The following ATP8B1 variants were observed in gnomAD, a reference collection of about 807,000 sequenced individuals.
ATP8B1 encodes the protein ATPase phospholipid transporting 8B1, also known as phospholipid-transporting ATPase IC.
ATP8B1 carries 80 observed loss-of-function variants against 149.9 expected under a neutral mutation model. That is an observed-to-expected ratio of 0.53 (90% CI 0.45 to 0.64). The LOEUF (loss-of-function observed/expected upper bound fraction) is 0.64, where lower values mean the gene tolerates loss of function less well. ATP8B1 is among the 30% of genes least tolerant of loss of function. The pLI is 0.00. For synonymous variants in ATP8B1, 536 were observed against 562.8 expected, an observed-to-expected ratio of 0.95 and a Z score of 0.67; for missense variants, 1,247 against 1,552.6, an observed-to-expected ratio of 0.80 and a Z score of 3.31.
At chr18:57,766,208 TG>T (rs1312446508) in intron 1 of ATP8B1, among the ~76,000 whole-genome samples, 1 of 151,560 alleles carries the variant, frequency 6.6e-6, no homozygotes, top group African/African-American at 2.4e-5. Context: ...CACGCCTGGC[TG>T]ATTTTTTGTA....
chr18:57,731,325 AT>A (rs2123132146), intron 2 of ATP8B1: 1 of 222 alleles, frequency 4.5e-3, no homozygotes, highest in Non-Finnish European at 9.3e-3. Context: ...ATATATATAT[AT>A]ATATATATAT....
At chr18:57,743,067 G>C (rs969565654) in intron 1 of ATP8B1, among the ~76,000 whole-genome samples, 1 of 152,104 alleles carries the variant, frequency 6.6e-6, no homozygotes, top group African/African-American at 2.4e-5. Flanking sequence ...CAGGACAAAG[G>C]ATTTTTCATA....
intron 6 of ATP8B1, among the ~76,000 whole-genome samples, 165 bp downstream of exon 6, chr18:57,700,874 G>A (rs1397631851): frequency 3.3e-5 from 5 of 152,126 alleles, no homozygotes; most frequent in African/African-American, 1.2e-4. Flanking sequence ...CCGAGATAAC[G>A]CTACTGCACT....
intron 1 of ATP8B1, among the ~76,000 whole-genome samples, chr18:57,750,490 A>T (rs1388453022): frequency 3.3e-5 from 5 of 152,216 alleles, no homozygotes; most frequent in Non-Finnish European, 7.3e-5. Context: ...AATATTTCGG[A>T]GTTGTGACAT....
chr18:57,729,133 T>C (rs1481012076), intron 2 of ATP8B1, among the ~76,000 whole-genome samples: 1 of 152,108 alleles, frequency 6.6e-6, no homozygotes, highest in Non-Finnish European at 1.5e-5. Context: ...CAGGCAGAGT[T>C]GTAAAAAAAC....
chr18:57,651,960 A>C, intron 26 of ATP8B1, 74 bp downstream of exon 26: 1 of 1,537,152 alleles, frequency 6.5e-7, no homozygotes, highest in Non-Finnish European at 9.0e-7. Context: ...TTTATTACTT[A>C]ACAGAAGTTA....
At chr18:57,731,930 T>C (rs1169193957) in intron 1 of ATP8B1, 98 bp from the exon 2 acceptor site, 3 of 1,103,526 alleles carry the variant, frequency 2.7e-6, no homozygotes, top group African/African-American at 3.1e-5. Flanking sequence ...TTACAGAACA[T>C]TGTCTAACAT....
At chr18:57,702,434 T>C (rs1913171975) in intron 4 of ATP8B1, among the ~76,000 whole-genome samples, 1 of 152,222 alleles carries the variant, frequency 6.6e-6, no homozygotes, top group Non-Finnish European at 1.5e-5. Context: ...GGCCTCAGCT[T>C]TTCTCTGCAA....
chr18:57,696,381 C>G (rs1912810923), intron 8 of ATP8B1, among the ~76,000 whole-genome samples: 1 of 152,160 alleles, frequency 6.6e-6, no homozygotes, highest in Admixed American at 6.5e-5. Context: ...AAAGCTCTAT[C>G]AGGCAACTGC....
At chr18:57,711,468 G>A (rs1014032128) in intron 2 of ATP8B1, among the ~76,000 whole-genome samples, 54 of 152,326 alleles carry the variant, frequency 3.5e-4, no homozygotes, top group Middle Eastern at 3.4e-3. Context: ...GTACACACAC[G>A]TGCACATCTG....
rs35465334 is a variant in ATP8B1, at chr18:57,667,237, G to T, written c.2210-70C>A. ...TATTTTATTTTATTTTGTTTTTTGA[G>T]ACAGCATCTCACTCCCACTGCCTAG... On this transcript the variant is annotated intron_variant, in intron 19 of 27. Transcript: ENST00000648908. 560 of 1,300,176 alleles carry T rather than the reference G, an allele frequency of 4.3e-4. 2 individuals carry two copies. The African/African-American group carries it at 7.5e-3, about 17-fold the overall frequency. 80.5% of individuals were successfully genotyped at this position (1,300,176 alleles called of 1,614,324 possible). A position where few individuals can be genotyped will look rare whatever the true frequency, so the allele number is the denominator to read the frequency against.
In ATP8B1 at chr18:57,764,647, G is replaced by A. The variant is rs549243666; in HGVS notation, c.-25-32815C>T. ...TTAGGCAGGCTGGTCTCAAACTCCT[G>A]GCCTCAAGTGATCCACCTGCCTCAG... On this transcript the variant is annotated intron_variant, in intron 1 of 27. Coordinates refer to ENST00000648908, the MANE Select transcript of ATP8B1 (RefSeq NM_001374385.1). 1.7e-4 allele frequency among the ~76,000 whole-genome samples: 26 copies of A among 151,234 alleles called. 1 individual carries two copies. In the South Asian group the frequency reaches 5.0e-3, roughly 29 times the overall value.
At position 57,671,424 on chromosome 18, in the gene ATP8B1, G is replaced by A. The variant is rs317838; in HGVS notation, c.1932+44C>T. 569,711 of 1,458,534 alleles carry A rather than the reference G, an allele frequency of 0.39. 115,546 individuals carry two copies. Among genetic ancestry groups the A allele is most frequent in the East Asian group, 0.68 (29,944 of 44,042 alleles). The allele number at this position is 1,458,534 out of a possible 1,614,324, so 90.3% of individuals were successfully genotyped here. On this transcript the variant is annotated intron_variant, in intron 17 of 27. Transcript: ENST00000648908. Reference sequence around the variant, plus strand: ...CAAACTTAACAGACAGCATCAGAGAGTAAGTTCAGAATCCCTTGCAGAAAG... The same window carrying A: ...CAAACTTAACAGACAGCATCAGAGAATAAGTTCAGAATCCCTTGCAGAAAG...
At chr18:57,712,183 CA>C (rs1385521644) in intron 2 of ATP8B1, among the ~76,000 whole-genome samples, 2 of 151,652 alleles carry the variant, frequency 1.3e-5, no homozygotes, top group Non-Finnish European at 2.9e-5. Flanking sequence ...TTATAAAAAC[CA>C]AAAAATCAGG....
At chr18:57,794,991 T>C (rs1479888005) in intron 1 of ATP8B1, among the ~76,000 whole-genome samples, 1 of 152,048 alleles carries the variant, frequency 6.6e-6, no homozygotes, top group Non-Finnish European at 1.5e-5. Flanking sequence ...TACGTGGCCC[T>C]GCCCATCTTA....
chr18:57,790,364 A>C (rs570715121), intron 1 of ATP8B1, among the ~76,000 whole-genome samples: 1 of 151,944 alleles, frequency 6.6e-6, no homozygotes, highest in Non-Finnish European at 1.5e-5. Flanking sequence ...TGGATTATCA[A>C]ACAAAACCAG....
At chr18:57,786,733 G>A (rs528165590) in intron 1 of ATP8B1, among the ~76,000 whole-genome samples, 41 of 152,240 alleles carry the variant, frequency 2.7e-4, no homozygotes, top group Non-Finnish European at 4.9e-4. Flanking sequence ...CACCCATCTC[G>A]GCCTCCCAAA....
At chr18:57,666,169 GC>G (rs1322518473) in intron 20 of ATP8B1, among the ~76,000 whole-genome samples, 1 of 152,136 alleles carries the variant, frequency 6.6e-6, no homozygotes, top group Admixed American at 6.5e-5. Context: ...GAACTGTCAG[GC>G]CATCAGTAAA....
chr18:57,684,892 G>C (rs1912156199), intron 14 of ATP8B1, among the ~76,000 whole-genome samples, 180 bp downstream of exon 14: 2 of 152,298 alleles, frequency 1.3e-5, no homozygotes, highest in African/African-American at 4.8e-5. Context: ...AACAAAGGCA[G>C]AGACACAGAG....
Sources: gnomAD v4.1 joint callset for allele counts (sites outside exome capture counted in the v4.1 genomes callset) on GRCh38, gnomAD v4.1.1 for gene constraint, MANE v1.5 for transcripts, NCBI Gene and HGNC (gene_info 2026-07-23, HGNC 2026-07-21) for gene names.